Variants in SMAP1 observed in about 807,000 individuals in gnomAD.
SMAP1 encodes small ArfGAP 1, also known as stromal membrane-associated protein 1.
SMAP1 carries 24 observed loss-of-function variants against 58.5 expected under a neutral mutation model. That is an observed-to-expected ratio of 0.41 (90% confidence interval 0.30 to 0.58). The LOEUF (loss-of-function observed/expected upper bound fraction) is 0.58, where lower values mean the gene tolerates loss of function less well. Among genes scored for constraint, SMAP1 ranks in the 20% least tolerant of loss-of-function variants. SMAP1 has a pLI of 0.29. For missense variants in SMAP1, 563 were observed against 566.3 expected, an observed-to-expected ratio of 0.99 and a Z score of 0.06; for synonymous variants, 216 against 196.6, an observed-to-expected ratio of 1.10 and a Z score of -0.82.
intron 3 of SMAP1, among the ~76,000 whole-genome samples, chr6:70,771,458 G>T (rs1195732890): frequency 2.0e-5 from 3 of 152,214 alleles, no homozygotes; most frequent in Admixed American, 2.0e-4. Context: ...GGCAATGGCG[G>T]GCGCCCCTCC....
intron 3 of SMAP1, among the ~76,000 whole-genome samples, chr6:70,764,245 C>T (rs943359915): frequency 7.9e-5 from 12 of 152,210 alleles, no homozygotes; most frequent in Admixed American, 3.3e-4. Flanking sequence ...AAGCCATCTG[C>T]AGAACATAAA....
chr6:70,737,479 C>G (rs555626563), intron 2 of SMAP1, among the ~76,000 whole-genome samples: 50 of 152,306 alleles, frequency 3.3e-4, no homozygotes, highest in Middle Eastern at 3.4e-3. Flanking sequence ...TTGTGGCAAA[C>G]CAGATCCTTC....
At chr6:70,739,027 C>G (rs763958573) in intron 2 of SMAP1, among the ~76,000 whole-genome samples, 3 of 152,016 alleles carry the variant, frequency 2.0e-5, no homozygotes, top group African/African-American at 7.2e-5. Context: ...TTGTGTGGTA[C>G]CTCTGCTATC....
Position 70,833,421 on chromosome 6 carries a change from A to G in SMAP1, c.577-3520A>G, listed in dbSNP as rs1770443698. ...CAAGATTTGATAATGGAGGGATACA[A>G]AGTAAATTTTAAAGTGATCAATCCT... On this transcript the variant is annotated intron_variant, in intron 6 of 10. Transcript: ENST00000370455. Among the ~76,000 whole-genome samples, 3 of 152,210 alleles carry G rather than the reference A, an allele frequency of 2.0e-5. No homozygotes were observed. The South Asian group carries it at 6.2e-4, about 32-fold the overall frequency.
At chr6:70,776,421 T>C (rs542775287) in intron 4 of SMAP1, among the ~76,000 whole-genome samples, 37 of 152,306 alleles carry the variant, frequency 2.4e-4, no homozygotes, top group Admixed American at 3.3e-4. Context: ...CCTCGTGATC[T>C]GCCCACCTCG....
intron 3 of SMAP1, 52 bp from the exon 4 acceptor site, chr6:70,773,298 G>T: frequency 1.8e-6 from 2 of 1,095,952 alleles, no homozygotes; most frequent in Non-Finnish European, 2.7e-6. Flanking sequence ...TGAATAAAGG[G>T]AAGTGTACAT....
intron 1 of SMAP1, among the ~76,000 whole-genome samples, chr6:70,671,500 G>A (rs1766263135): frequency 6.6e-6 from 1 of 152,084 alleles, no homozygotes; most frequent in Non-Finnish European, 1.5e-5. Context: ...AACCTGGGAG[G>A]CGGAGAGGCG....
intron 1 of SMAP1, among the ~76,000 whole-genome samples, chr6:70,720,368 C>T (rs1301144486): frequency 6.6e-6 from 1 of 152,200 alleles, no homozygotes; most frequent in Non-Finnish European, 1.5e-5. Flanking sequence ...GTACAGCCTC[C>T]TTCCCGGCTG....
At chr6:70,765,126 T>C (rs751326636) in intron 3 of SMAP1, among the ~76,000 whole-genome samples, 4 of 152,170 alleles carry the variant, frequency 2.6e-5, no homozygotes, top group African/African-American at 9.6e-5. Context: ...ATAAACAGTG[T>C]CCAATTATTC....
intron 7 of SMAP1, among the ~76,000 whole-genome samples, chr6:70,848,972 A>G (rs1282130319): frequency 6.6e-6 from 1 of 152,242 alleles, no homozygotes; most frequent in African/African-American, 2.4e-5. Flanking sequence ...CTTTGATAGT[A>G]ACTAGAAAAA....
chr6:70,856,722 C>T (rs767323855), intron 8 of SMAP1, 137 bp from the exon 9 acceptor site: 1 of 804,078 alleles, frequency 1.2e-6, no homozygotes, highest in African/African-American at 1.7e-5. Flanking sequence ...GTAAGTGATC[C>T]TCTTGAATGG....
At position 70,794,409 on chromosome 6, in the gene SMAP1, T is replaced by G. The variant is rs111897427; in HGVS notation, c.495+2640T>G. On this transcript the variant is annotated intron_variant, in intron 5 of 10. Coordinates refer to ENST00000370455, the MANE Select transcript of SMAP1 (RefSeq NM_001044305.3). ...CCTAATACCACTGCCAGAATCAGAGTAGGTGACAGCTATATTTTTATTATT... is the reference window on the plus strand; with the variant it reads ...CCTAATACCACTGCCAGAATCAGAGGAGGTGACAGCTATATTTTTATTATT... Among the ~76,000 whole-genome samples, 870 of 152,214 alleles carry G rather than the reference T, an allele frequency of 5.7e-3. 4 individuals carry two copies. Among genetic ancestry groups the G allele is most frequent in the African/African-American group, 0.02 (839 of 41,530 alleles).
chr6:70,744,725 C>A (rs974494454), intron 2 of SMAP1, among the ~76,000 whole-genome samples: 2 of 152,170 alleles, frequency 1.3e-5, no homozygotes, highest in Admixed American at 6.5e-5. Context: ...ATTTCTAGTT[C>A]TAGATCCTTG....
intron 6 of SMAP1, among the ~76,000 whole-genome samples, chr6:70,799,289 A>G (rs1326742831): frequency 6.6e-6 from 1 of 152,174 alleles, no homozygotes; most frequent in Non-Finnish European, 1.5e-5. Flanking sequence ...ATTGAACTCA[A>G]ATTGTAGATG....
chr6:70,767,480 G>T (rs1468026375), intron 3 of SMAP1, among the ~76,000 whole-genome samples: 1 of 152,092 alleles, frequency 6.6e-6, no homozygotes, highest in Non-Finnish European at 1.5e-5. Flanking sequence ...TTGTAAGTTG[G>T]ATTCCTAAGT....
intron 1 of SMAP1, among the ~76,000 whole-genome samples, chr6:70,685,433 T>C (rs759158957): frequency 1.2e-4 from 18 of 152,258 alleles, no homozygotes; most frequent in South Asian, 4.1e-4. Flanking sequence ...CTGGAAAGTG[T>C]AATGCAAGCT....
intron 1 of SMAP1, among the ~76,000 whole-genome samples, chr6:70,713,006 T>G (rs1393509320): frequency 6.6e-6 from 1 of 152,094 alleles, no homozygotes; most frequent in Non-Finnish European, 1.5e-5. Flanking sequence ...TTGGTCAGGC[T>G]GGTCTTGAAC....
Position 70,737,612 on chromosome 6 carries a change from G to T in SMAP1, c.252+5101G>T, listed in dbSNP as rs1765666553. ...ACCTTTGCTTATATCTAACTAAATT[G>T]TAAGTTTCCAGCAGTTAGAACATTT... On this transcript the variant is annotated intron_variant, in intron 2 of 10. Coordinates refer to ENST00000370455, the MANE Select transcript of SMAP1 (RefSeq NM_001044305.3). Among the ~76,000 whole-genome samples, 5 of 152,186 alleles carry T rather than the reference G, an allele frequency of 3.3e-5. No individual in the cohort carries two copies. In the South Asian group the frequency reaches 1.0e-3, roughly 32 times the overall value.
intron 1 of SMAP1, among the ~76,000 whole-genome samples, chr6:70,713,433 A>G (rs565828898): frequency 2.0e-5 from 3 of 151,948 alleles, no homozygotes; most frequent in East Asian, 3.9e-4. Context: ...TTGCTGTATC[A>G]CGTAAGTTTT....
Sources: gnomAD v4.1 joint callset for allele counts (sites outside exome capture counted in the v4.1 genomes callset) on GRCh38, gnomAD v4.1.1 for gene constraint, MANE v1.5 for transcripts, NCBI Gene and HGNC (gene_info 2026-07-23, HGNC 2026-07-21) for gene names.